PDE10A: variants seen among roughly 807,000 people sequenced by gnomAD.
PDE10A encodes cAMP and cAMP-inhibited cGMP 3',5'-cyclic phosphodiesterase 10A.
PDE10A carries 39 observed loss-of-function variants against 97.7 expected under a neutral mutation model. The ratio of observed to expected loss-of-function variants is 0.40; its 90% CI spans 0.31 to 0.52. The LOEUF (loss-of-function observed/expected upper bound fraction) is 0.52. Among genes scored for constraint, PDE10A ranks in the 20% least tolerant of loss-of-function variants. The pLI is 0.56. For missense variants in PDE10A, 731 were observed against 1,047.8 expected (o/e 0.70, Z 4.17); for synonymous variants, 371 against 376.8 (o/e 0.98, Z 0.18).
chr6:165,341,354 C>T (rs1055026059), intron 19 of PDE10A, among the ~76,000 whole-genome samples: 2 of 152,198 alleles, frequency 1.3e-5, no homozygotes, highest in African/African-American at 2.4e-5. Flanking sequence ...AGCTTTTAAT[C>T]CTGCACCTTC....
intron 1 of PDE10A, among the ~76,000 whole-genome samples, chr6:165,656,326 A>ATATT (rs1789964906): frequency 6.7e-6 from 1 of 149,220 alleles, no homozygotes; most frequent in Admixed American, 6.7e-5. Context: ...AAGGAGTCAG[A>ATATT]TGTCTCCTGC....
At chr6:165,650,529 CT>C (rs888966263) in intron 1 of PDE10A, among the ~76,000 whole-genome samples, 1 of 152,106 alleles carries the variant, frequency 6.6e-6, no homozygotes, top group African/African-American at 2.4e-5. Context: ...TTACACCTTG[CT>C]TTTTTCACAT....
intron 1 of PDE10A, among the ~76,000 whole-genome samples, chr6:165,708,742 C>A (rs1363915839): frequency 1.4e-5 from 2 of 139,960 alleles, no homozygotes; most frequent in East Asian, 4.2e-4. Flanking sequence ...TCTGCCCCCA[C>A]TCTCCACCGC....
chr6:165,797,359 A>G (rs1021205378), intron 1 of PDE10A, among the ~76,000 whole-genome samples: 44 of 152,230 alleles, frequency 2.9e-4, no homozygotes, highest in African/African-American at 1.1e-3. Context: ...CTTGGAGGCT[A>G]AAAAATGATT....
chr6:165,926,840 G>A (rs572986196), intron 1 of PDE10A, among the ~76,000 whole-genome samples: 1 of 152,236 alleles, frequency 6.6e-6, no homozygotes, highest in Admixed American at 6.5e-5. Context: ...ACATCAAAAA[G>A]GATTTCATTT....
intron 1 of PDE10A, among the ~76,000 whole-genome samples, chr6:165,887,661 A>G (rs1383910296): frequency 3.3e-5 from 5 of 152,314 alleles, no homozygotes; most frequent in South Asian, 2.1e-4. Context: ...CTGAACTCAT[A>G]TCCAACCCAT....
intron 1 of PDE10A, among the ~76,000 whole-genome samples, chr6:165,649,983 G>A (rs527677902): frequency 2.0e-5 from 3 of 152,286 alleles, no homozygotes; most frequent in South Asian, 2.1e-4. Flanking sequence ...TGTGCATGAC[G>A]TCAGAAAAGA....
At chr6:165,988,029 C>T (rs1448616483), upstream of PDE10A, 1 of 435,694 alleles carries the variant, frequency 2.3e-6, no homozygotes, top group East Asian at 7.1e-5. Flanking sequence ...GGTGCTTGTG[C>T]TCTCAGGAAC....
intron 1 of PDE10A, among the ~76,000 whole-genome samples, chr6:165,900,615 T>C (rs1042702219): frequency 2.0e-5 from 3 of 152,180 alleles, no homozygotes; most frequent in Admixed American, 1.3e-4. Flanking sequence ...ATACACCTAG[T>C]TGTAAAGAAG....
intron 2 of PDE10A, among the ~76,000 whole-genome samples, chr6:165,499,457 T>C (rs1780738626): frequency 6.6e-6 from 1 of 152,188 alleles, no homozygotes; most frequent in African/African-American, 2.4e-5. Flanking sequence ...AAATGAATAG[T>C]CCACAATGTT....
chr6:165,392,543 C>G, intron 16 of PDE10A, 103 bp downstream of exon 16: 1 of 1,145,288 alleles, frequency 8.7e-7, no homozygotes, highest in Non-Finnish European at 1.2e-6. Flanking sequence ...CAAAATTTGT[C>G]TTGGAATAAC....
At chr6:165,488,750 G>A (rs1780060473) in intron 2 of PDE10A, among the ~76,000 whole-genome samples, 1 of 152,066 alleles carries the variant, frequency 6.6e-6, no homozygotes, top group South Asian at 2.1e-4. Context: ...TGTGTTGCGG[G>A]GCATGGTGGG....
chr6:165,785,249 C>T (rs1159872103), intron 1 of PDE10A, among the ~76,000 whole-genome samples: 2 of 152,196 alleles, frequency 1.3e-5, no homozygotes, highest in Admixed American at 6.5e-5. Flanking sequence ...AAGTGCCTAA[C>T]CTAATGCTTG....
intron 1 of PDE10A, among the ~76,000 whole-genome samples, chr6:165,673,026 T>G (rs904225026): frequency 1.3e-5 from 2 of 152,154 alleles, no homozygotes. Context: ...TTAAATAAGG[T>G]AACAGCAGAG....
intron 1 of PDE10A, among the ~76,000 whole-genome samples, chr6:165,903,251 T>C (rs1782164160): frequency 6.6e-6 from 1 of 152,248 alleles, no homozygotes; most frequent in African/African-American, 2.4e-5. Flanking sequence ...GTATTTCATA[T>C]GGTTTCAGTT....
intron 2 of PDE10A, among the ~76,000 whole-genome samples, chr6:165,510,865 TG>T (rs1294613194): frequency 6.6e-6 from 1 of 152,130 alleles, no homozygotes; most frequent in East Asian, 1.9e-4. Context: ...TGGTATCAGT[TG>T]GTTGTAATGT....
Position 165,336,162 on chromosome 6 carries a change from T to A in PDE10A, c.3026A>T (p.Gln1009Leu), listed in dbSNP as rs1435691846. Reference sequence around the variant, plus strand: ...AAGAGGCTCCGTGGGAGGGAGGATCTGGGTAAGGGTTGTATAGCAGGGAAT... The same window carrying A: ...AAGAGGCTCCGTGGGAGGGAGGATCAGGGTAAGGGTTGTATAGCAGGGAAT... ...VAIPCYTTLTQILPPTEPLLK... is the reference protein window; with the variant it reads ...VAIPCYTTLTLILPPTEPLLK... Residue 1009 changes from glutamine (Q) to leucine (L), a missense_variant, in exon 21 of 22, where the codon CAG (glutamine) becomes CTG (leucine). By Grantham distance (113) the Gln-to-Leu change is moderately radical (BLOSUM62 -2). Transcript: ENST00000539869. 6.2e-7 allele frequency: 1 copy of A among 1,613,980 alleles called. No individual in the cohort carries two copies. Among genetic ancestry groups the A allele is most frequent in the Admixed American group, 1.7e-5 (1 of 60,024 alleles).
chr6:165,721,335 G>A (rs1582991517), intron 1 of PDE10A, among the ~76,000 whole-genome samples: 3 of 152,294 alleles, frequency 2.0e-5, no homozygotes, highest in African/African-American at 7.2e-5. Context: ...GTTTGGTAAC[G>A]AACGATTTCA....
Position 165,661,922 on chromosome 6 carries a change from G to T in PDE10A, c.865+25C>A. The T allele has an allele frequency of 1.2e-6, 1 of 865,754 alleles. No individual in the cohort carries two copies. The highest frequency in any genetic ancestry group is 1.9e-6 in the Non-Finnish European group (1 of 529,992). The allele number at this position is 865,754 out of a possible 1,614,324, so 53.6% of individuals were successfully genotyped here. A position where few individuals can be genotyped will look rare whatever the true frequency, so the allele number is the denominator to read the frequency against. On this transcript the variant is annotated intron_variant, in intron 1 of 21. Coordinates refer to ENST00000539869, the MANE Select transcript of PDE10A (RefSeq NM_001385079.1). The surrounding 1 kb of genome is among the most constrained non-coding windows in gnomAD (Gnocchi z 4.8). ...GGGGATGAGGAGCCGCCCCACCTCCGGGGAACGGGGAGCAGGCCACTTACT... is the reference window on the plus strand; with the variant it reads ...GGGGATGAGGAGCCGCCCCACCTCCTGGGAACGGGGAGCAGGCCACTTACT...
Sources: gnomAD v4.1 joint callset for allele counts (sites outside exome capture counted in the v4.1 genomes callset) on GRCh38, gnomAD v4.1.1 for gene constraint, Gnocchi (gnomAD v3.1) non-coding constraint, MANE v1.5 for transcripts, NCBI Gene and HGNC (gene_info 2026-07-23, HGNC 2026-07-21) for gene names.